MAP3K15: variants seen among roughly 807,000 people sequenced by gnomAD.
MAP3K15 encodes mitogen-activated protein kinase kinase kinase 15.
MAP3K15 carries 124 observed loss-of-function variants against 99.5 expected under a neutral mutation model. The ratio of observed to expected loss-of-function variants is 1.25; its 90% CI spans 1.08 to 1.45. The LOEUF (loss-of-function observed/expected upper bound fraction) is 1.45, where lower values mean the gene tolerates loss of function less well. Ranked by LOEUF, MAP3K15 falls within the 40% of genes most tolerant of loss-of-function variation. MAP3K15 has a pLI of 0.00. For synonymous variants in MAP3K15, 494 were observed against 439.6 expected (o/e 1.12, Z -1.55); for missense variants, 1,242 against 1,079.7 (o/e 1.15, Z -2.11).
chrX:19,465,211 C>G (rs116128374), intron 3 of MAP3K15, among the ~76,000 whole-genome samples: 4,225 of 110,845 alleles, frequency 0.038, 203 homozygotes, highest in African/African-American at 0.13. Flanking sequence ...CGTATTTTTA[C>G]GTGTCCTGAA....
At chrX:19,387,840 T>C (rs1402803408) in intron 18 of MAP3K15, among the ~76,000 whole-genome samples, 1 of 112,100 alleles carries the variant, frequency 8.9e-6, no homozygotes, top group Non-Finnish European at 1.9e-5. Context: ...GAGGAGGTGA[T>C]GTAAGGGGTA....
intron 25 of MAP3K15, 114 bp downstream of exon 25, chrX:19,368,940 T>C: frequency 1.2e-6 from 1 of 863,008 alleles, no homozygotes; most frequent in Non-Finnish European, 1.5e-6. Context: ...TGAAGCTGCT[T>C]TTTCCTAAGA....
chrX:19,363,687 CTG>C (rs1302129956), intron 25 of MAP3K15, among the ~76,000 whole-genome samples: 2 of 107,086 alleles, frequency 1.9e-5, no homozygotes, highest in Middle Eastern at 4.7e-3. Flanking sequence ...GAGTCTCACT[CTG>C]TGGCCCAGGC....
At chrX:19,389,467 G>A (rs2063513298) in intron 18 of MAP3K15, among the ~76,000 whole-genome samples, 1 of 111,401 alleles carries the variant, frequency 9.0e-6, no homozygotes, top group African/African-American at 3.3e-5. Context: ...GCCAGGCTGA[G>A]CAACCACAGA....
intron 13 of MAP3K15, among the ~76,000 whole-genome samples, chrX:19,406,332 T>C (rs1200704495): frequency 8.9e-6 from 1 of 112,637 alleles, no homozygotes; most frequent in Non-Finnish European, 1.9e-5. Flanking sequence ...CAAATGCCTA[T>C]TGGCTGAAAA....
At chrX:19,426,099 G>A (rs1254054972) in intron 8 of MAP3K15, 132 bp downstream of exon 8, 1 of 368,830 alleles carries the variant, frequency 2.7e-6, no homozygotes, top group Non-Finnish European at 4.4e-6. Flanking sequence ...TCCAGCCTGG[G>A]CAACCGAGCA....
intron 20 of MAP3K15, 93 bp from the exon 21 acceptor site, chrX:19,373,788 G>A (rs1479745281): frequency 3.1e-6 from 3 of 955,572 alleles, no homozygotes; most frequent in South Asian, 2.4e-5. Flanking sequence ...CAGGTGAACC[G>A]CCCAGGCACC....
chrX:19,443,351 C>T (rs2063973702), intron 6 of MAP3K15, among the ~76,000 whole-genome samples: 1 of 111,527 alleles, frequency 9.0e-6, no homozygotes, highest in Non-Finnish European at 1.9e-5. Flanking sequence ...CAAATCTTTA[C>T]TGAGTGCCTA....
intron 22 of MAP3K15, among the ~76,000 whole-genome samples, chrX:19,372,349 GAGA>G (rs772898382): frequency 9.0e-6 from 1 of 111,283 alleles, no homozygotes; most frequent in African/African-American, 3.3e-5. Context: ...TGAGAGGCCA[GAGA>G]AGGTGCTTCG....
At chrX:19,451,661 A>G (rs1257522949) in intron 6 of MAP3K15, among the ~76,000 whole-genome samples, 1 of 110,338 alleles carries the variant, frequency 9.1e-6, no homozygotes. Flanking sequence ...TAATAAAAAA[A>G]AAAAGGAAAA....
chrX:19,485,404 C>G (rs777034421), intron 3 of MAP3K15, among the ~76,000 whole-genome samples: 1 of 101,512 alleles, frequency 9.9e-6, no homozygotes, highest in Non-Finnish European at 2.0e-5. Context: ...TAAATGGGAC[C>G]AAAAAAAGTC....
In MAP3K15 at chrX:19,445,673, C is replaced by T. The variant is rs1052706785; in HGVS notation, c.995+11240G>A. ...TTAATCAGCCAAAGGCCAGGTGTAG[C>T]GGCTCACGCCTGTAATCCAAGCACT... is the stretch of plus-strand genomic sequence containing the variant. On this transcript the variant is annotated intron_variant, in intron 6 of 28. Coordinates refer to ENST00000338883, the MANE Select transcript of MAP3K15 (RefSeq NM_001001671.4). Among the ~76,000 whole-genome samples the T allele has an allele frequency of 7.6e-5, 8 of 105,043 alleles. 1 individual carries two copies. Among genetic ancestry groups the T allele is most frequent in the Admixed American group, 4.2e-4 (4 of 9,637 alleles). 91.2% of individuals were successfully genotyped at this position (105,043 alleles called of 115,157 possible). A position where few individuals can be genotyped will look rare whatever the true frequency, so the allele number is the denominator to read the frequency against.
At chrX:19,443,758 G>A (rs780085011) in intron 6 of MAP3K15, among the ~76,000 whole-genome samples, 10 of 111,135 alleles carry the variant, frequency 9.0e-5, no homozygotes, top group African/African-American at 3.3e-4. Flanking sequence ...GGAGCAAACC[G>A]GGAGGGACGG....
At chrX:19,444,365 G>A (rs934527454) in intron 6 of MAP3K15, among the ~76,000 whole-genome samples, 1 of 111,326 alleles carries the variant, frequency 9.0e-6, no homozygotes, top group Admixed American at 9.6e-5. Context: ...TTAAAGGGAG[G>A]GATCACAGGA....
intron 18 of MAP3K15, among the ~76,000 whole-genome samples, chrX:19,386,411 G>A (rs947611977): frequency 2.7e-5 from 3 of 111,427 alleles, no homozygotes; most frequent in Admixed American, 9.5e-5. Context: ...AGCCATGAAC[G>A]CGCCACTGCA....
At chrX:19,462,502 G>A (rs759875088) in intron 4 of MAP3K15, among the ~76,000 whole-genome samples, 119 of 112,054 alleles carry the variant, frequency 1.1e-3, no homozygotes, top group African/African-American at 3.5e-3. Context: ...AGGTTAGCCC[G>A]ATAAGTAAAA....
At chrX:19,400,997 CAA>C (rs1453204052) in intron 13 of MAP3K15, among the ~76,000 whole-genome samples, 2 of 111,138 alleles carry the variant, frequency 1.8e-5, no homozygotes, top group South Asian at 3.8e-4. Context: ...TTTACTGAAC[CAA>C]AGACTTCTTT....
intron 18 of MAP3K15, among the ~76,000 whole-genome samples, chrX:19,382,383 G>T (rs1227061548): frequency 9.0e-6 from 1 of 111,302 alleles, no homozygotes; most frequent in Non-Finnish European, 1.9e-5. Context: ...GGGCAGCTGT[G>T]ACGGATGGAA....
At chrX:19,365,937 G>A (rs1487016773) in intron 25 of MAP3K15, among the ~76,000 whole-genome samples, 2 of 103,452 alleles carry the variant, frequency 1.9e-5, no homozygotes, top group African/African-American at 7.2e-5. Context: ...AACCCGGGAG[G>A]TGAAGGTTGC....
Sources: allele counts gnomAD v4.1 joint callset (sites outside exome capture counted in the v4.1 genomes callset), GRCh38; gene constraint gnomAD v4.1.1; transcripts MANE v1.5; gene names NCBI Gene and HGNC (gene_info 2026-07-23, HGNC 2026-07-21).